Variants in PDXDC1 observed in about 807,000 individuals in gnomAD.
The protein encoded by PDXDC1 is pyridoxal dependent decarboxylase domain containing 1, also known as pyridoxal-dependent decarboxylase domain-containing protein 1.
PDXDC1 carries 42 observed loss-of-function variants against 100.1 expected under a neutral mutation model. The ratio of observed to expected loss-of-function variants is 0.42; its 90% CI spans 0.33 to 0.54. The LOEUF is 0.54. Ranked by LOEUF, PDXDC1 falls within the 20% of genes least tolerant of loss-of-function variation. The probability of loss-of-function intolerance (pLI) is 0.10; values close to 1 mark genes in which losing one functional copy is unlikely to be tolerated. For synonymous variants in PDXDC1, 260 were observed against 371.7 expected, an observed-to-expected ratio of 0.70 and a Z score of 3.46; for missense variants, 636 against 979.2, an observed-to-expected ratio of 0.65 and a Z score of 4.68.
intron 1 of PDXDC1, chr16:14,988,925 C>G: frequency 1.2e-6 from 2 of 1,613,424 alleles, no homozygotes; most frequent in Non-Finnish European, 1.7e-6. Flanking sequence ...GCAGCCCCGG[C>G]CACAGGTTCT....
Position 15,038,071 on chromosome 16 carries a change from T to G in PDXDC1, c.*1796T>G, listed in dbSNP as rs1398979829. The G allele has an allele frequency of 1.2e-6, 2 of 1,612,492 alleles. No homozygotes were observed. ...AGAGATCTTTTCCCACAAGCCATCT[T>G]CATTTTTTTTGTAGAGTAGGGCTTT... On this transcript the variant is annotated 3_prime_UTR_variant, in exon 23 of 23. Transcript: ENST00000396410.
intron 16 of PDXDC1, 23 bp from the exon 17 acceptor site, chr16:15,031,712 T>G: frequency 6.3e-7 from 1 of 1,597,568 alleles, no homozygotes; most frequent in Non-Finnish European, 8.6e-7. Flanking sequence ...TGAGCATTTC[T>G]CTGACATTGT....
chr16:15,086,532 C>G, intron 16 of PDXDC1: 1 of 1,582,166 alleles, frequency 6.3e-7, no homozygotes, highest in Non-Finnish European at 8.6e-7. Context: ...TTATATCAAT[C>G]ATTTATCAAG....
In PDXDC1 at chr16:15,063,490, T is replaced by C. The variant is rs1307960500; in HGVS notation, c.1399+33434T>C. Reference sequence around the variant, plus strand: ...TTGGGAGGCTGAGGTGGGCAGATCATGAGGTCAGGAGATCGAGACCATCCT... The same window carrying C: ...TTGGGAGGCTGAGGTGGGCAGATCACGAGGTCAGGAGATCGAGACCATCCT... On this transcript the variant is annotated intron_variant, in intron 16 of 16. Transcript: ENST00000535621. 2.0e-5 allele frequency among the ~76,000 whole-genome samples: 3 copies of C among 151,810 alleles called. No individual in the cohort carries two copies. In the East Asian group the frequency reaches 5.8e-4, roughly 29 times the overall value.
chr16:15,019,632 T>G (rs1256122087), intron 12 of PDXDC1, among the ~76,000 whole-genome samples: 2 of 152,280 alleles, frequency 1.3e-5, no homozygotes, highest in Non-Finnish European at 2.9e-5. Flanking sequence ...GTGCCTTGCA[T>G]GTGGCCTCAC....
chr16:15,004,229 A>G lies in PDXDC1; in HGVS notation c.285A>G (p.Gly95=), dbSNP rs755940985. ...AACAAGGTCATATGGCTTTGTTGGG[A>G]CATAGTCTGGGAGCTTATATTTCAA... The part of the protein sequence containing the change: ...IGEQGHMALL[G]HSLGAYISTL... Residue 95 remains glycine (G), a synonymous_variant, in exon 5 of 23, where the codon GGA becomes GGG. Coordinates refer to ENST00000396410, the MANE Select transcript of PDXDC1 (RefSeq NM_015027.4). 3.7e-6 allele frequency: 6 copies of G among 1,614,174 alleles called. No individual in the cohort carries two copies. In the South Asian group the frequency reaches 6.6e-5, roughly 18 times the overall value.
chr16:15,080,750 A>G (rs1028117157), intron 16 of PDXDC1, among the ~76,000 whole-genome samples: 1 of 152,108 alleles, frequency 6.6e-6, no homozygotes, highest in African/African-American at 2.4e-5. Context: ...TAATCACGCT[A>G]AAAAGAAATC....
rs1555465769 is a variant in PDXDC1 at position 15,095,861 on chromosome 16, G to GTGT, written c.1400-43018_1400-43017insTGT. ...GAAACTGTGTCTCAAAAAAAAAAAAGGTGTGTGTGTGTGTGTGTGTGTGTG... is the reference window on the plus strand; with the variant it reads ...GAAACTGTGTCTCAAAAAAAAAAAAGTGTGTGTGTGTGTGTGTGTGTGTGTGTG... On this transcript the variant is annotated intron_variant, in intron 16 of 16. Coordinates refer to the PDXDC1 transcript ENST00000535621. Among the ~76,000 whole-genome samples the GTGT allele has an allele frequency of 2.6e-3, 352 of 134,392 alleles. 1 individual carries two copies. The highest frequency in any genetic ancestry group is 9.0e-3 in the African/African-American group (330 of 36,800). 88.2% of individuals were successfully genotyped at this position (134,392 alleles called of 152,430 possible).
At chr16:15,147,894 T>C in the PDXDC1 span, among the ~76,000 whole-genome samples, 3 of 151,934 alleles carry the variant, frequency 2.0e-5, no homozygotes, top group African/African-American at 7.3e-5. Flanking sequence ...ACCATGTTGG[T>C]CAGGCTGGTC....
chr16:15,135,508 G>T, intron 16 of PDXDC1: 8 of 1,139,414 alleles, frequency 7.0e-6, no homozygotes, highest in Non-Finnish European at 1.0e-5. Flanking sequence ...AGGAGACAGC[G>T]CGGGAGACCC....
intron 1 of PDXDC1, among the ~76,000 whole-genome samples, chr16:14,984,454 AGTGTGT>A (rs1247042159): frequency 9.1e-6 from 1 of 110,102 alleles, no homozygotes; most frequent in African/African-American, 3.5e-5. Flanking sequence ...AGAGAGAGAG[AGTGTGT>A]GTGTGTGTGT....
At chr16:15,143,822 C>T (rs957858756), downstream of PDXDC1, among the ~76,000 whole-genome samples, 3 of 152,218 alleles carry the variant, frequency 2.0e-5, no homozygotes, top group Non-Finnish European at 4.4e-5. Context: ...GCCCCAGGCG[C>T]CCATTTCCCA....
chr16:15,144,615 G>A, the PDXDC1 span, among the ~76,000 whole-genome samples: 3 of 152,206 alleles, frequency 2.0e-5, no homozygotes, highest in African/African-American at 7.2e-5. Context: ...CAGGCTCAGC[G>A]GCATTCTGTC....
chr16:15,130,593 G>A, intron 16 of PDXDC1: 4 of 1,352,826 alleles, frequency 3.0e-6, no homozygotes, highest in South Asian at 1.2e-5. Flanking sequence ...GCTGACCCAT[G>A]ATGCCCTGCC....
intron 1 of PDXDC1, among the ~76,000 whole-genome samples, chr16:14,987,877 GC>G (rs1320900218): frequency 6.6e-6 from 1 of 152,264 alleles, no homozygotes; most frequent in African/African-American, 2.4e-5. Flanking sequence ...CTCCCAAAGT[GC>G]TGGGATTACA....
At position 15,125,757 on chromosome 16, in the gene PDXDC1, G is replaced by A. The variant is rs533127888; in HGVS notation, c.1400-13122G>A. Reference sequence around the variant, plus strand: ...GCACGGACGAGTCCAGGCAGCTGTCGATGTCCAGCACCTGCTGCCCGGCAG... The same window carrying A: ...GCACGGACGAGTCCAGGCAGCTGTCAATGTCCAGCACCTGCTGCCCGGCAG... On this transcript the variant is annotated intron_variant, in intron 16 of 16. Transcript: ENST00000535621. 423 of 1,508,884 alleles carry A rather than the reference G, an allele frequency of 2.8e-4. 1 individual carries two copies. Among genetic ancestry groups the A allele is most frequent in the South Asian group, 1.7e-3 (148 of 88,130 alleles). 93.5% of individuals were successfully genotyped at this position (1,508,884 alleles called of 1,614,324 possible).
At chr16:15,005,046 G>C (rs1275497598) in intron 5 of PDXDC1, among the ~76,000 whole-genome samples, 1 of 152,284 alleles carries the variant, frequency 6.6e-6, no homozygotes, top group Admixed American at 6.5e-5. Context: ...GAAAATATTA[G>C]CTTGTGTTTT....
At chr16:15,130,217 T>C in intron 16 of PDXDC1, 1 of 1,551,034 alleles carries the variant, frequency 6.4e-7, no homozygotes, top group South Asian at 1.2e-5. Flanking sequence ...ACACAAAGCG[T>C]ACATGGCTTG....
At chr16:15,137,250 C>T (rs898845856) in intron 16 of PDXDC1, 46 of 822,906 alleles carry the variant, frequency 5.6e-5, no homozygotes, top group Middle Eastern at 6.9e-4. Flanking sequence ...AGGGGGGCCC[C>T]TGGGGAGGCA....
Sources: gnomAD v4.1 joint callset for allele counts (sites outside exome capture counted in the v4.1 genomes callset) on GRCh38, gnomAD v4.1.1 for gene constraint, MANE v1.5 for transcripts, NCBI Gene and HGNC (gene_info 2026-07-23, HGNC 2026-07-21) for gene names.